The following GRIP1 variants were observed in gnomAD, a reference collection of about 807,000 sequenced individuals.
The protein encoded by GRIP1 is glutamate receptor-interacting protein 1.
A neutral mutation model predicts 129.9 loss-of-function variants in GRIP1; 45 were observed. The observed-to-expected ratio is 0.35, with a 90% CI of 0.27 to 0.44. The LOEUF is 0.44. Ranked by LOEUF, GRIP1 falls within the 20% of genes least tolerant of loss-of-function variation. The pLI, the probability that GRIP1 is intolerant of heterozygous loss-of-function variation, is 1.00. For synonymous variants in GRIP1, 530 were observed against 520.8 expected (o/e 1.02, Z -0.24); for missense variants, 1,196 against 1,396.8 (o/e 0.86, Z 2.29).
chr12:66,379,572 T>A, intron 19 of GRIP1, 136 bp from the exon 20 acceptor site: 1 of 902,302 alleles, frequency 1.1e-6, no homozygotes, highest in South Asian at 1.3e-5. Flanking sequence ...TGTGTGCTTA[T>A]TGTGCACCAA....
chr12:66,815,472 T>A (rs923458000), intron 1 of GRIP1, among the ~76,000 whole-genome samples: 5 of 151,976 alleles, frequency 3.3e-5, no homozygotes, highest in Admixed American at 6.6e-5. Flanking sequence ...TTAGTAAGAG[T>A]GGCTTACACT....
intron 1 of GRIP1, among the ~76,000 whole-genome samples, chr12:66,921,954 C>T (rs2041220613): frequency 6.6e-6 from 1 of 152,058 alleles, no homozygotes; most frequent in Non-Finnish European, 1.5e-5. Flanking sequence ...CTGCTATCTG[C>T]AAGGAAAGAG....
At chr12:66,435,879 G>A (rs1461522980) in intron 13 of GRIP1, among the ~76,000 whole-genome samples, 5 of 151,888 alleles carry the variant, frequency 3.3e-5, no homozygotes, top group East Asian at 1.9e-4. Context: ...ATCAAGCTGT[G>A]GCTTCATTTT....
chr12:66,450,423 A>G (rs893074119), intron 11 of GRIP1, among the ~76,000 whole-genome samples: 2 of 150,282 alleles, frequency 1.3e-5, no homozygotes, highest in African/African-American at 2.4e-5. Context: ...AAGACTTGCT[A>G]TGTTTTTTTA....
intron 1 of GRIP1, among the ~76,000 whole-genome samples, chr12:66,955,783 A>C (rs137936549): frequency 0.02 from 3,004 of 152,266 alleles, 105 homozygotes; most frequent in African/African-American, 0.068. Flanking sequence ...CTGGGATTAC[A>C]GGCGTGAGCC....
intron 1 of GRIP1, among the ~76,000 whole-genome samples, chr12:66,618,313 GA>G (rs1247330271): frequency 6.6e-6 from 1 of 152,064 alleles, no homozygotes; most frequent in Non-Finnish European, 1.5e-5. Context: ...AGAAAATTAC[GA>G]ATATAAATTT....
At chr12:66,632,008 C>T (rs1284946448) in intron 1 of GRIP1, among the ~76,000 whole-genome samples, 3 of 152,230 alleles carry the variant, frequency 2.0e-5, no homozygotes, top group South Asian at 4.2e-4. Flanking sequence ...ATCTCAGGAG[C>T]CTGTCTCCTA....
chr12:66,419,499 C>T (rs889421678), intron 15 of GRIP1, among the ~76,000 whole-genome samples: 1 of 152,036 alleles, frequency 6.6e-6, no homozygotes, highest in Non-Finnish European at 1.5e-5. Context: ...GGGATGGGTA[C>T]CCTATTTTCC....
intron 5 of GRIP1, among the ~76,000 whole-genome samples, chr12:66,522,900 G>A (rs903019575): frequency 6.6e-5 from 10 of 152,074 alleles, no homozygotes; most frequent in Non-Finnish European, 8.8e-5. Flanking sequence ...CTCAGGAGCC[G>A]ATGCGCTCAA....
At chr12:66,790,369 A>T (rs2038491565) in intron 1 of GRIP1, among the ~76,000 whole-genome samples, 1 of 152,214 alleles carries the variant, frequency 6.6e-6, no homozygotes, top group Non-Finnish European at 1.5e-5. Context: ...GCCTTGAGGC[A>T]TCGTAAACTG....
At chr12:66,832,787 G>A (rs908814916) in intron 1 of GRIP1, among the ~76,000 whole-genome samples, 2 of 152,204 alleles carry the variant, frequency 1.3e-5, no homozygotes, top group Non-Finnish European at 2.9e-5. Flanking sequence ...GGCATATTAT[G>A]ACAATCAAGT....
chr12:66,864,528 C>A (rs1460884564), intron 1 of GRIP1, among the ~76,000 whole-genome samples: 1 of 150,562 alleles, frequency 6.6e-6, no homozygotes, highest in Non-Finnish European at 1.5e-5. Flanking sequence ...CCAGCCTGGG[C>A]AACACAGTGA....
chr12:66,733,444 C>T (rs185828415), intron 1 of GRIP1, among the ~76,000 whole-genome samples: 1 of 152,242 alleles, frequency 6.6e-6, no homozygotes, highest in East Asian at 1.9e-4. Context: ...AAGCAGAGGG[C>T]TGATGTAGCT....
At chr12:66,882,392 T>G (rs2040494588) in intron 1 of GRIP1, among the ~76,000 whole-genome samples, 1 of 152,108 alleles carries the variant, frequency 6.6e-6, no homozygotes, top group Admixed American at 6.6e-5. Flanking sequence ...CTAATACCTG[T>G]TTTGTACTTG....
At chr12:66,355,185 C>A (rs1162612377) in intron 23 of GRIP1, among the ~76,000 whole-genome samples, 1 of 152,198 alleles carries the variant, frequency 6.6e-6, no homozygotes, top group East Asian at 1.9e-4. Flanking sequence ...CCTGAGACGA[C>A]CCTCTTCACA....
intron 2 of GRIP1, among the ~76,000 whole-genome samples, chr12:66,575,489 T>C (rs2063110802): frequency 6.6e-6 from 1 of 152,242 alleles, no homozygotes; most frequent in Non-Finnish European, 1.5e-5. Flanking sequence ...TATTTACCAC[T>C]TCATTTATTA....
chr12:66,625,403 T>C (rs1374782464), intron 1 of GRIP1, among the ~76,000 whole-genome samples: 1 of 152,176 alleles, frequency 6.6e-6, no homozygotes, highest in Non-Finnish European at 1.5e-5. Flanking sequence ...GACCAGTAGA[T>C]CTTATAACAC....
chr12:66,700,743 G>T (rs1209297900), intron 1 of GRIP1, among the ~76,000 whole-genome samples: 2 of 152,156 alleles, frequency 1.3e-5, no homozygotes, highest in Admixed American at 1.3e-4. Context: ...GATGACAGGG[G>T]CCTGAACCAG....
chr12:66,530,256 C>T (rs1242211582), intron 4 of GRIP1, among the ~76,000 whole-genome samples: 1 of 152,090 alleles, frequency 6.6e-6, no homozygotes, highest in Non-Finnish European at 1.5e-5. Context: ...AATTGTTTTC[C>T]TTTTGTAAAA....
Sources: allele counts gnomAD v4.1 joint callset (sites outside exome capture counted in the v4.1 genomes callset), GRCh38; gene constraint gnomAD v4.1.1; transcripts MANE v1.5; gene names NCBI Gene and HGNC (gene_info 2026-07-23, HGNC 2026-07-21).